Variants in AKT3 observed in about 807,000 individuals in gnomAD.
The protein encoded by AKT3 is AKT serine/threonine kinase 3, also known as RAC-gamma serine/threonine-protein kinase.
In AKT3, 15 loss-of-function variants were observed where a neutral mutation model predicts 65.3. The ratio of observed to expected loss-of-function variants is 0.23; its 90% confidence interval spans 0.15 to 0.35. The LOEUF is 0.35. Ranked by LOEUF, AKT3 falls within the 10% of genes least tolerant of loss-of-function variation. The pLI is 1.00. For synonymous variants in AKT3, 206 were observed against 183.8 expected (o/e 1.12, Z -0.98); for missense variants, 243 against 576.5 (o/e 0.42, Z 5.92).
chr1:243,536,472 A>G lies in AKT3; in HGVS notation c.1251+9038T>C, dbSNP rs537915986. On this transcript the variant is annotated intron_variant, in intron 12 of 13. Coordinates refer to ENST00000673466, the MANE Select transcript of AKT3 (RefSeq NM_005465.7). ...GTGCAAATAAATATGTTTCTCATTTATGCTACACATGATCTACTTATCACG... is the reference window on the plus strand; with the variant it reads ...GTGCAAATAAATATGTTTCTCATTTGTGCTACACATGATCTACTTATCACG... Among the ~76,000 whole-genome samples the G allele has an allele frequency of 2.5e-3, 380 of 152,298 alleles. 1 individual carries two copies. Among genetic ancestry groups the G allele is most frequent in the Non-Finnish European group, 4.3e-3 (292 of 68,010 alleles).
chr1:243,795,348 GAGA>G (rs536110573), intron 2 of AKT3, among the ~76,000 whole-genome samples: 159 of 151,990 alleles, frequency 1.0e-3, no homozygotes, highest in Non-Finnish European at 1.6e-3. Flanking sequence ...TCTTCCACAG[GAGA>G]AGGATAGGAC....
At position 243,749,994 on chromosome 1, in the gene AKT3, A is replaced by G. The variant is rs114051247; in HGVS notation, c.47-54278T>C. ...GAAGTGATCTTTTTATTCTCTTCCA[A>G]TCTCCCTCATAACTCCTTCTCTGCT... On this transcript the variant is annotated intron_variant, in intron 2 of 13. Transcript: ENST00000673466. Among the ~76,000 whole-genome samples the G allele has an allele frequency of 3.0e-3, 451 of 152,086 alleles. 5 individuals are homozygous for G. Among genetic ancestry groups the G allele is most frequent in the African/African-American group, 0.01 (421 of 41,502 alleles).
chr1:243,516,221 C>T lies in AKT3; in HGVS notation c.1252-3795G>A, dbSNP rs139948671. Among the ~76,000 whole-genome samples, 1,121 of 152,264 alleles carry T rather than the reference C, an allele frequency of 7.4e-3. 10 individuals carry two copies. The highest frequency in any genetic ancestry group is 0.012 in the Non-Finnish European group (839 of 67,992). ...AGGCTATTCATGACATCTATTTCTT[C>T]TTGGTAATTTGTATCTTTCAACATA... On this transcript the variant is annotated intron_variant, in intron 12 of 13. Transcript: ENST00000673466.
intron 2 of AKT3, chr1:243,703,134 TGACA>T (rs1050443628): frequency 7.2e-5 from 11 of 152,210 alleles, no homozygotes; most frequent in Non-Finnish European, 2.9e-5. Flanking sequence ...AGTTGCCTGT[TGACA>T]GACACCAAAT....
chr1:243,775,572 C>T (rs1240683126), intron 2 of AKT3, among the ~76,000 whole-genome samples: 2 of 152,096 alleles, frequency 1.3e-5, no homozygotes, highest in Non-Finnish European at 2.9e-5. Flanking sequence ...AAGAGGACTC[C>T]ATAAAGCAAA....
intron 2 of AKT3, chr1:243,702,824 A>G (rs187735431): frequency 6.6e-6 from 1 of 152,306 alleles, no homozygotes; most frequent in Admixed American, 6.5e-5. Flanking sequence ...AGAGGGGTAA[A>G]CTAGTCTTCC....
chr1:243,518,188 G>C (rs1196123564), intron 12 of AKT3, among the ~76,000 whole-genome samples: 2 of 152,214 alleles, frequency 1.3e-5, no homozygotes, highest in African/African-American at 4.8e-5. Context: ...CTATACATTA[G>C]TCAAGATATT....
chr1:243,795,899 A>G (rs2148351125), intron 2 of AKT3, among the ~76,000 whole-genome samples: 1 of 152,252 alleles, frequency 6.6e-6, no homozygotes, highest in Non-Finnish European at 1.5e-5. Flanking sequence ...GAAGGGACTC[A>G]CCCATCCACA....
downstream of AKT3, among the ~76,000 whole-genome samples, chr1:243,499,354 A>C (rs565145934): frequency 3.9e-5 from 6 of 152,340 alleles, no homozygotes; most frequent in East Asian, 1.2e-3. Flanking sequence ...CACTTGGCCT[A>C]CACCCTGTTT....
In AKT3 at chr1:243,573,068, G is replaced by C; in HGVS notation, c.697-20C>G. The C allele has an allele frequency of 6.2e-7, 1 of 1,610,140 alleles. No homozygotes were observed. Among genetic ancestry groups the C allele is most frequent in the Non-Finnish European group, 8.5e-7 (1 of 1,178,472 alleles). On this transcript the variant is annotated intron_variant, in intron 8 of 13. Coordinates refer to ENST00000673466, the MANE Select transcript of AKT3 (RefSeq NM_005465.7). ...AAACAGCTGCAGGGTAAACAGCAGGGACAGGATTGTAATAATTACTGATTT... is the reference window on the plus strand; with the variant it reads ...AAACAGCTGCAGGGTAAACAGCAGGCACAGGATTGTAATAATTACTGATTT...
intron 2 of AKT3, among the ~76,000 whole-genome samples, chr1:243,804,494 T>C (rs906929238): frequency 2.0e-5 from 3 of 152,222 alleles, no homozygotes; most frequent in African/African-American, 7.2e-5. Flanking sequence ...TTACCTCACA[T>C]AGTTATCATT....
At chr1:243,608,946 G>T (rs1677656370) in intron 8 of AKT3, among the ~76,000 whole-genome samples, 1 of 151,472 alleles carries the variant, frequency 6.6e-6, no homozygotes, top group Admixed American at 6.6e-5. Context: ...TAGAGATGGG[G>T]TTTCATCACG....
intron 12 of AKT3, among the ~76,000 whole-genome samples, chr1:243,537,853 C>T (rs1210464417): frequency 6.6e-6 from 1 of 152,102 alleles, no homozygotes; most frequent in Admixed American, 6.6e-5. Context: ...CTTGTTACTA[C>T]TTTTTTTTCT....
Position 243,521,414 on chromosome 1 carries a change from C to T in AKT3, c.1252-8988G>A, listed in dbSNP as rs1429206197. 6.6e-5 allele frequency among the ~76,000 whole-genome samples: 10 copies of T among 152,134 alleles called. No homozygotes were observed. The South Asian group carries it at 8.3e-4, about 13-fold the overall frequency. On this transcript the variant is annotated intron_variant, in intron 12 of 13. Transcript: ENST00000673466. Reference sequence around the variant, plus strand: ...TAATCTCTACTAAATACTGGCTTCACGCTTTGTGTATATGTAGGTGTGCAT... The same window carrying T: ...TAATCTCTACTAAATACTGGCTTCATGCTTTGTGTATATGTAGGTGTGCAT...
At chr1:243,719,351 C>G (rs1686729294) in intron 2 of AKT3, among the ~76,000 whole-genome samples, 1 of 152,160 alleles carries the variant, frequency 6.6e-6, no homozygotes, top group Admixed American at 6.5e-5. Context: ...ACAAAACATT[C>G]CAAATTGTTC....
intron 2 of AKT3, among the ~76,000 whole-genome samples, chr1:243,722,155 C>A (rs1351780856): frequency 6.6e-6 from 1 of 152,202 alleles, no homozygotes; most frequent in African/African-American, 2.4e-5. Flanking sequence ...AAAAGTTTAA[C>A]ATTAAGAACA....
chr1:243,590,704 C>G (rs1676164720), intron 8 of AKT3, among the ~76,000 whole-genome samples: 1 of 152,070 alleles, frequency 6.6e-6, no homozygotes, highest in South Asian at 2.1e-4. Flanking sequence ...AGAGAAAGGA[C>G]TTCTGAATGT....
At chr1:243,579,368 G>T (rs931302290) in intron 8 of AKT3, among the ~76,000 whole-genome samples, 1 of 152,086 alleles carries the variant, frequency 6.6e-6, no homozygotes, top group Non-Finnish European at 1.5e-5. Flanking sequence ...GAATCTTAGG[G>T]TACTACTATA....
chr1:243,555,179 C>T (rs758568203), intron 10 of AKT3, among the ~76,000 whole-genome samples: 14 of 152,054 alleles, frequency 9.2e-5, no homozygotes, highest in Non-Finnish European at 1.6e-4. Flanking sequence ...ACTGATGTAA[C>T]GTATTGTCTT....
Sources: allele counts gnomAD v4.1 joint callset (sites outside exome capture counted in the v4.1 genomes callset), GRCh38; gene constraint gnomAD v4.1.1; transcripts MANE v1.5; gene names NCBI Gene and HGNC (gene_info 2026-07-23, HGNC 2026-07-21).